Variants in LONP2 observed in about 807,000 individuals in gnomAD.
The protein encoded by LONP2 is lon protease homolog 2, peroxisomal.
In LONP2, 60 loss-of-function variants were observed where a neutral mutation model predicts 85.6. The observed-to-expected ratio is 0.70, with a 90% CI of 0.57 to 0.87. The LOEUF (loss-of-function observed/expected upper bound fraction) is 0.87, where lower values mean the gene tolerates loss of function less well. Ranked by LOEUF, LONP2 falls within the 40% of genes least tolerant of loss-of-function variation. The pLI, the probability that LONP2 is intolerant of heterozygous loss-of-function variation, is 0.00. For synonymous variants in LONP2, 395 were observed against 389.7 expected (o/e 1.01, Z -0.16); for missense variants, 860 against 1,063.5 (o/e 0.81, Z 2.66).
chr16:48,256,061 T>C (rs1971752369), intron 2 of LONP2, among the ~76,000 whole-genome samples: 1 of 152,178 alleles, frequency 6.6e-6, no homozygotes, highest in Non-Finnish European at 1.5e-5. Flanking sequence ...TCTAATAGGG[T>C]TTATATTGTG....
At chr16:48,268,182 GA>G (rs1422001587) in intron 6 of LONP2, among the ~76,000 whole-genome samples, 4 of 151,994 alleles carry the variant, frequency 2.6e-5, no homozygotes, top group Non-Finnish European at 1.5e-5. Context: ...AGAATAATTA[GA>G]AAAATATATC....
At chr16:48,283,873 A>G (rs1401504733) in intron 8 of LONP2, among the ~76,000 whole-genome samples, 1 of 152,206 alleles carries the variant, frequency 6.6e-6, no homozygotes, top group Non-Finnish European at 1.5e-5. Context: ...AGGGCGAAGT[A>G]CATTGAAAAC....
intron 11 of LONP2, among the ~76,000 whole-genome samples, chr16:48,326,064 G>A (rs1473429412): frequency 6.6e-6 from 1 of 152,276 alleles, no homozygotes; most frequent in South Asian, 2.1e-4. Flanking sequence ...TATAAATGGA[G>A]GGTTAGACTG....
downstream of LONP2, among the ~76,000 whole-genome samples, chr16:48,359,290 C>T (rs148377706): frequency 7.3e-4 from 111 of 152,256 alleles, no homozygotes; most frequent in African/African-American, 2.6e-3. Flanking sequence ...ATATTGGGAG[C>T]CCTTTTACAT....
chr16:48,291,939 G>A (rs1409586623), intron 8 of LONP2, among the ~76,000 whole-genome samples: 6 of 152,184 alleles, frequency 3.9e-5, no homozygotes, highest in Non-Finnish European at 7.4e-5. Flanking sequence ...TTTTGGCAAC[G>A]TTCTCCAGAG....
Position 48,354,061 on chromosome 16 carries a change from A to C in LONP2, c.*2259A>C, listed in dbSNP as rs1597009825. ...TTGAAGTCTAAGCTCTTCCTTTTTCACCTGGGTTTTTTTTTTTTGGGGGGG... is the reference window on the plus strand; with the variant it reads ...TTGAAGTCTAAGCTCTTCCTTTTTCCCCTGGGTTTTTTTTTTTTGGGGGGG... On this transcript the variant is annotated 3_prime_UTR_variant, in exon 15 of 15. Coordinates refer to ENST00000285737, the MANE Select transcript of LONP2 (RefSeq NM_031490.5). 2 of 70,356 alleles carry C rather than the reference A, an allele frequency of 2.8e-5. No homozygotes were observed. Among genetic ancestry groups the C allele is most frequent in the Non-Finnish European group, 2.4e-5 (1 of 41,424 alleles). 4.4% of individuals were successfully genotyped at this position (70,356 alleles called of 1,614,324 possible).
Position 48,347,656 on chromosome 16 carries a change from C to T in LONP2, c.2088C>T (p.Ser696=), listed in dbSNP as rs758430584. 1.8e-5 allele frequency: 29 copies of T among 1,614,068 alleles called. No individual in the cohort carries two copies. Among genetic ancestry groups the T allele is most frequent in the African/African-American group, 5.3e-5 (4 of 74,926 alleles). The change falls in exon 13 of 15, where the codon TCC becomes TCT. Residue 696 remains serine, a synonymous_variant. Transcript: ENST00000285737. ...TGQLGDVMKE[S]AHLAISWLRS... ...AGCTCGGGGACGTGATGAAGGAGTC[C>T]GCCCACCTCGCTATCAGCTGGCTCC...
At chr16:48,260,445 A>T (rs558843106) in intron 4 of LONP2, among the ~76,000 whole-genome samples, 224 of 152,296 alleles carry the variant, frequency 1.5e-3, no homozygotes, top group African/African-American at 5.0e-3. Context: ...AAAAAAATTT[A>T]AAAAATTAGC....
chr16:48,354,452 G>C lies in LONP2; in HGVS notation c.*2650G>C, dbSNP rs1412945779. ...TCAAACTCCCAACCTCAAATGATCC[G>C]GCCACCTTGGCCTCCCAAAATGCTG... On this transcript the variant is annotated 3_prime_UTR_variant, in exon 15 of 15. Transcript: ENST00000285737. 1 of 151,694 alleles carries C rather than the reference G, an allele frequency of 6.6e-6. No homozygotes were observed. Among genetic ancestry groups the C allele is most frequent in the Non-Finnish European group, 1.5e-5 (1 of 67,990 alleles). The allele number at this position is 151,694 out of a possible 1,614,324, so 9.4% of individuals were successfully genotyped here.
In LONP2 at chr16:48,351,632, C is replaced by G. The variant is rs757130689; in HGVS notation, c.2389C>G (p.Gln797Glu). Residue 797 changes from glutamine (Q) to glutamate (E), a missense_variant, in exon 15 of 15, where the codon CAA becomes GAA. By Grantham distance (29) the Gln-to-Glu change is conservative (BLOSUM62 2). Transcript: ENST00000285737. ...GGCGGCACACAGAGCGGGACTGAAGCAAGTCATTATTCCTCGGAGAAATGA... is the reference window on the plus strand; with the variant it reads ...GGCGGCACACAGAGCGGGACTGAAGGAAGTCATTATTCCTCGGAGAAATGA... ...VLAAHRAGLK[Q>E]VIIPRRNEKD... 4 of 1,614,064 alleles carry G rather than the reference C, an allele frequency of 2.5e-6. No individual in the cohort carries two copies. The highest frequency in any genetic ancestry group is 3.4e-6 in the Non-Finnish European group (4 of 1,180,006).
At chr16:48,259,875 ACT>A (rs1304879568) in intron 4 of LONP2, among the ~76,000 whole-genome samples, 1 of 152,036 alleles carries the variant, frequency 6.6e-6, no homozygotes, top group African/African-American at 2.4e-5. Flanking sequence ...ACTGCAACTT[ACT>A]CTCAGTAAAG....
intron 8 of LONP2, among the ~76,000 whole-genome samples, chr16:48,288,629 G>A (rs79178540): frequency 0.082 from 12,497 of 152,016 alleles, 553 homozygotes; most frequent in Middle Eastern, 0.11. Flanking sequence ...ACAGACAACC[G>A]ACTTGTGGCT....
At chr16:48,245,327 A>G (rs577415442) in intron 1 of LONP2, among the ~76,000 whole-genome samples, 1 of 152,072 alleles carries the variant, frequency 6.6e-6, no homozygotes, top group African/African-American at 2.4e-5. Context: ...ATTGCCCAGT[A>G]CCCTCGCCCT....
chr16:48,245,394 GA>G (rs1971310464), intron 1 of LONP2, among the ~76,000 whole-genome samples: 1 of 152,130 alleles, frequency 6.6e-6, no homozygotes, highest in South Asian at 2.1e-4. Context: ...CTGCAATTTG[GA>G]AACTGACAGC....
intron 8 of LONP2, among the ~76,000 whole-genome samples, chr16:48,287,410 A>G (rs1423170591): frequency 6.6e-6 from 1 of 152,232 alleles, no homozygotes; most frequent in East Asian, 1.9e-4. Context: ...GTTAGTCCCA[A>G]CTAGTTTCAT....
intron 4 of LONP2, among the ~76,000 whole-genome samples, chr16:48,259,434 T>G (rs1971830533): frequency 6.6e-6 from 1 of 152,236 alleles, no homozygotes; most frequent in Non-Finnish European, 1.5e-5. Context: ...TCTACCTTGA[T>G]CTGCTGATTT....
At chr16:48,326,776 C>A (rs2151019271) in intron 11 of LONP2, among the ~76,000 whole-genome samples, 1 of 152,294 alleles carries the variant, frequency 6.6e-6, no homozygotes, top group South Asian at 2.1e-4. Flanking sequence ...ATTACAACCC[C>A]CTTATCCTTC....
chr16:48,248,741 G>A (rs1265243621), intron 1 of LONP2, among the ~76,000 whole-genome samples: 3 of 151,874 alleles, frequency 2.0e-5, no homozygotes, highest in Non-Finnish European at 4.4e-5. Context: ...AAAGTGGCTG[G>A]GCCTGGTGGC....
chr16:48,245,342 G>A (rs765783322), intron 1 of LONP2, among the ~76,000 whole-genome samples: 28 of 152,150 alleles, frequency 1.8e-4, no homozygotes, highest in Non-Finnish European at 3.2e-4. Flanking sequence ...CGCCCTATTG[G>A]TGTGACTTTG....
Sources: gnomAD v4.1 joint callset for allele counts (sites outside exome capture counted in the v4.1 genomes callset) on GRCh38, gnomAD v4.1.1 for gene constraint, MANE v1.5 for transcripts, NCBI Gene and HGNC (gene_info 2026-07-23, HGNC 2026-07-21) for gene names.